The following ANKHD1 variants were observed in gnomAD, a reference collection of about 807,000 sequenced individuals.
ANKHD1 encodes the protein ankyrin repeat and KH domain-containing protein 1.
In ANKHD1, 31 loss-of-function variants were observed where a neutral mutation model predicts 230.5. The ratio of observed to expected loss-of-function variants is 0.13; its 90% CI spans 0.10 to 0.18. The LOEUF (loss-of-function observed/expected upper bound fraction) is 0.18. ANKHD1 is among the 10% of genes least tolerant of loss of function. The pLI, the probability that ANKHD1 is intolerant of heterozygous loss-of-function variation, is 1.00. For synonymous variants in ANKHD1, 1,074 were observed against 1,117.6 expected (o/e 0.96, Z 0.78); for missense variants, 2,256 against 3,071.3 (o/e 0.73, Z 6.27).
chr5:140,510,955 T>G (rs1055551803), intron 22 of ANKHD1, among the ~76,000 whole-genome samples: 6 of 152,082 alleles, frequency 3.9e-5, no homozygotes, highest in African/African-American at 1.4e-4. Context: ...CCTGAGTAGC[T>G]GGGACCACAG....
At position 140,528,290 on chromosome 5, in the gene ANKHD1, C is replaced by T. The variant is rs752624414; in HGVS notation, c.5344C>T (p.Pro1782Ser). ...GATTCCTAAAAATCATATCAGAACA[C>T]CTGCCAGCACCAAATCAATTCATGC... ...DLIPKNHIRT[P>S]ASTKSIHANF... The change falls in exon 29 of 34, where the codon CCT (proline) becomes TCT (serine). Residue 1782 changes from proline to serine, a missense_variant. Around this residue, in one of 13 missense-constraint regions of ANKHD1, gnomAD observed 778 missense variants for 966.5 expected, o/e 0.80. Coordinates refer to ENST00000360839, the MANE Select transcript of ANKHD1 (RefSeq NM_017747.3). 1.1e-4 allele frequency: 174 copies of T among 1,613,880 alleles called. No individual in the cohort carries two copies. Among genetic ancestry groups the T allele is most frequent in the Middle Eastern group, 3.3e-4 (2 of 6,062 alleles).
In ANKHD1 at chr5:140,535,419, C is replaced by G; in HGVS notation, c.6908C>G (p.Ala2303Gly). ...CCATCTTCCTCTTCTGCTCCTCTGGCAAGTTTTTCCGGCATACCAGGAACA... is the reference window on the plus strand; with the variant it reads ...CCATCTTCCTCTTCTGCTCCTCTGGGAAGTTTTTCCGGCATACCAGGAACA... ...SSPSSSSAPL[A>G]SFSGIPGTRV... Residue 2303 changes from alanine to glycine, a missense_variant, in exon 30 of 34, where the codon GCA becomes GGA. Transcript: ENST00000360839. 1 of 1,613,744 alleles carries G rather than the reference C, an allele frequency of 6.2e-7. No individual in the cohort carries two copies. The highest frequency in any genetic ancestry group is 1.3e-5 in the African/African-American group (1 of 75,020).
chr5:140,456,768 A>G (rs1168531903), intron 7 of ANKHD1, among the ~76,000 whole-genome samples: 2 of 152,214 alleles, frequency 1.3e-5, no homozygotes, highest in African/African-American at 4.8e-5. Flanking sequence ...AAGAAAACCT[A>G]GGCAATACCA....
At chr5:140,472,275 A>G (rs1291152475) in intron 10 of ANKHD1, 7 of 1,613,752 alleles carry the variant, frequency 4.3e-6, no homozygotes, top group South Asian at 1.1e-5. Context: ...TTTGGAGGGC[A>G]TAGATCCGGC....
Position 140,528,276 on chromosome 5 carries a change from A to C in ANKHD1, c.5330A>C (p.Asn1777Thr). The change falls in exon 29 of 34, where the codon AAT becomes ACT. Residue 1777 changes from asparagine (N) to threonine (T), a missense_variant. Coordinates refer to ENST00000360839, the MANE Select transcript of ANKHD1 (RefSeq NM_017747.3). ...AKELEDLIPK[N>T]HIRTPASTKS... ...GAACTGGAAGACTTGATTCCTAAAA[A>C]TCATATCAGAACACCTGCCAGCACC... 1 of 1,613,964 alleles carries C rather than the reference A, an allele frequency of 6.2e-7. No homozygotes were observed. The highest frequency in any genetic ancestry group is 8.5e-7 in the Non-Finnish European group (1 of 1,179,994).
Position 140,449,192 on chromosome 5 carries a change from T to G in ANKHD1, c.1148-19T>G. 6.3e-7 allele frequency: 1 copy of G among 1,589,308 alleles called. No individual in the cohort carries two copies. Among genetic ancestry groups the G allele is most frequent in the Non-Finnish European group, 8.6e-7 (1 of 1,166,604 alleles). ...AACTGATAGTGAATTCTTTTAAAAT[T>G]TTTGTTCCTTTTTTCAAGGCCATTT... On this transcript the variant is annotated intron_variant, in intron 6 of 33. Coordinates refer to ENST00000360839, the MANE Select transcript of ANKHD1 (RefSeq NM_017747.3).
In ANKHD1 at chr5:140,524,214, A is replaced by G. The variant is rs757000833; in HGVS notation, c.4466A>G (p.Glu1489Gly). 6.3e-7 allele frequency: 1 copy of G among 1,586,706 alleles called. No homozygotes were observed. Among genetic ancestry groups the G allele is most frequent in the Non-Finnish European group, 8.5e-7 (1 of 1,173,340 alleles). The change falls in exon 25 of 34, where the codon GAA becomes GGA. Residue 1489 changes from glutamate to glycine, a missense_variant. Around this residue, in one of 13 missense-constraint regions of ANKHD1, gnomAD observed 212 missense variants for 257.3 expected, o/e 0.82. Transcript: ENST00000360839. ...GAGAATTCGGAACTACCAGAGGATG[A>G]AGATGAAGAGGAGAATGATGAAGAT... ...PKENSELPED[E>G]DEEENDEDVE...
intron 29 of ANKHD1, chr5:140,531,329 C>A: frequency 2.4e-6 from 1 of 416,864 alleles, no homozygotes; most frequent in East Asian, 9.3e-5. Context: ...GCCTGTAATC[C>A]CAGCACTTTG....
rs566238694 is a variant in ANKHD1, at chr5:140,438,991, G to T, written c.617+374G>T. 1.2e-3 allele frequency among the ~76,000 whole-genome samples: 184 copies of T among 152,274 alleles called. 6 individuals are homozygous for T. Among genetic ancestry groups the T allele is most frequent in the Admixed American group, 1.6e-3 (24 of 15,284 alleles). On this transcript the variant is annotated intron_variant, in intron 3 of 33. Coordinates refer to ENST00000360839, the MANE Select transcript of ANKHD1 (RefSeq NM_017747.3). ...AACGAGTTACTAATGCAGTAGTGTA[G>T]TTGCTTGCTACTCAAATATGGTCCA...
intron 22 of ANKHD1, among the ~76,000 whole-genome samples, chr5:140,512,001 C>T (rs1249629055): frequency 1.3e-5 from 2 of 152,016 alleles, no homozygotes; most frequent in Non-Finnish European, 2.9e-5. Context: ...TTTGGGAGGC[C>T]GAGTCAGGTG....
intron 24 of ANKHD1, among the ~76,000 whole-genome samples, chr5:140,516,472 G>A (rs57403216): frequency 0.19 from 29,342 of 151,834 alleles, 3,306 homozygotes; most frequent in East Asian, 0.27. Flanking sequence ...CGAGAAGAGC[G>A]ACTCCAAGAC....
At chr5:140,479,734 A>G (rs908328604) in intron 10 of ANKHD1, among the ~76,000 whole-genome samples, 53 of 18,090 alleles carry the variant, frequency 2.9e-3, no homozygotes, top group Non-Finnish European at 6.0e-3. Context: ...ATACATAGGT[A>G]TATATATATA....
intron 8 of ANKHD1, 50 bp downstream of exon 8, chr5:140,458,912 T>G (rs1321779841): frequency 6.7e-7 from 1 of 1,498,024 alleles, no homozygotes; most frequent in Non-Finnish European, 9.0e-7. Flanking sequence ...TTGGATGTTT[T>G]GTGTTAGTAC....
At position 140,485,647 on chromosome 5, in the gene ANKHD1, A is replaced by G. The variant is rs1751472164; in HGVS notation, c.2057A>G (p.Tyr686Cys). ...GGTGGCCATACTAATGTAGTTTCTT[A>G]TCTGTTGGATTATCCAAATAATGTT... ...AKGGHTNVVS[Y>C]LLDYPNNVLS... Residue 686 changes from tyrosine to cysteine, a missense_variant, in exon 13 of 34, where the codon TAT becomes TGT. Transcript: ENST00000360839. The surrounding 1 kb of genome is among the most constrained non-coding windows in gnomAD (Gnocchi z 4.8). The G allele has an allele frequency of 6.2e-7, 1 of 1,614,078 alleles. No individual in the cohort carries two copies. Among genetic ancestry groups the G allele is most frequent in the Non-Finnish European group, 8.5e-7 (1 of 1,179,984 alleles).
rs768065512 is a variant in ANKHD1 at position 140,497,188 on chromosome 5, G to T, written c.2914G>T (p.Asp972Tyr). The T allele has an allele frequency of 1.2e-6, 2 of 1,613,408 alleles. No individual in the cohort carries two copies. The highest frequency in any genetic ancestry group is 1.7e-6 in the Non-Finnish European group (2 of 1,179,998). ...GQPQIAITGH[D>Y]QGLLVQEPDG... The stretch of plus-strand genomic sequence containing the variant: ...GCCTCAGATTGCTATTACTGGACAT[G>T]ATCAGGGGCTGTTAGTTCAAGAACC... Residue 972 changes from aspartate (D) to tyrosine (Y), a missense_variant, in exon 15 of 34, where the codon GAT becomes TAT. Physicochemically the swap from Asp to Tyr is radical, Grantham distance 160. Around this residue, in one of 13 missense-constraint regions of ANKHD1, gnomAD observed 358 missense variants for 397.7 expected, o/e 0.90. Transcript: ENST00000360839.
At chr5:140,538,510 C>G (rs906152161) in intron 32 of ANKHD1, among the ~76,000 whole-genome samples, 2 of 152,158 alleles carry the variant, frequency 1.3e-5, no homozygotes, top group Admixed American at 1.3e-4. Context: ...TTGAGGGAGG[C>G]CTCTACCCCT....
rs189250615 is a variant in ANKHD1 at position 140,445,191 on chromosome 5, C to T, written c.914-551C>T. Among the ~76,000 whole-genome samples the T allele has an allele frequency of 2.4e-4, 36 of 150,664 alleles. 1 individual carries two copies. The highest frequency in any genetic ancestry group is 6.6e-4 in the Admixed American group (10 of 15,098). Reference sequence around the variant, plus strand: ...TCTCTTAATTAGTAGGAAAATTGGCCGGGCGTGGTATAATTGGCATAATTG... The same window carrying T: ...TCTCTTAATTAGTAGGAAAATTGGCTGGGCGTGGTATAATTGGCATAATTG... On this transcript the variant is annotated intron_variant, in intron 5 of 33. Coordinates refer to ENST00000360839, the MANE Select transcript of ANKHD1 (RefSeq NM_017747.3).
intron 10 of ANKHD1, among the ~76,000 whole-genome samples, chr5:140,476,568 A>T (rs748514798): frequency 1.1e-4 from 17 of 152,282 alleles, no homozygotes; most frequent in Admixed American, 2.0e-4. Context: ...ATACCAAGAT[A>T]AAATAACAAT....
At chr5:140,459,755 ATT>A (rs1323838834) in intron 9 of ANKHD1, among the ~76,000 whole-genome samples, 2 of 152,144 alleles carry the variant, frequency 1.3e-5, no homozygotes, top group Non-Finnish European at 1.5e-5. Flanking sequence ...TACAATTATT[ATT>A]TGTCAATTAA....
Sources: gnomAD v4.1 joint callset for allele counts (sites outside exome capture counted in the v4.1 genomes callset) on GRCh38, gnomAD v4.1.1 for gene constraint, gnomAD v4.1.1 regional missense constraint, Gnocchi (gnomAD v3.1) non-coding constraint, MANE v1.5 for transcripts, NCBI Gene and HGNC (gene_info 2026-07-23, HGNC 2026-07-21) for gene names.